Variants in CHN2 observed in about 807,000 individuals in gnomAD.
The protein encoded by CHN2 is beta-chimaerin.
In CHN2, 35 loss-of-function variants were observed where a neutral mutation model predicts 56.3. The observed-to-expected ratio is 0.62, with a 90% CI of 0.47 to 0.82. The LOEUF is 0.82. Ranked by LOEUF, CHN2 falls within the 40% of genes least tolerant of loss-of-function variation. CHN2 has a pLI of 0.00. For missense variants in CHN2, 491 were observed against 580.5 expected (o/e 0.85, Z 1.58); for synonymous variants, 210 against 212.8 (o/e 0.99, Z 0.12).
intron 1 of CHN2, among the ~76,000 whole-genome samples, chr7:29,203,170 A>G: frequency 6.6e-6 from 1 of 152,332 alleles, no homozygotes; most frequent in East Asian, 1.9e-4. Flanking sequence ...TTTAGGTGAT[A>G]ATATTTTGGA....
At chr7:29,258,415 C>A (rs1459695548) in intron 1 of CHN2, among the ~76,000 whole-genome samples, 3 of 152,216 alleles carry the variant, frequency 2.0e-5, no homozygotes, top group African/African-American at 7.2e-5. Flanking sequence ...ATTTGCTCAT[C>A]CTTCTTGGCT....
At chr7:29,485,425 T>TA (rs1159351110) in intron 7 of CHN2, among the ~76,000 whole-genome samples, 1 of 152,014 alleles carries the variant, frequency 6.6e-6, no homozygotes, top group South Asian at 2.1e-4. Context: ...TGGTGATGTA[T>TA]AAAAAAACAG....
chr7:29,493,045 C>T (rs539575409), intron 7 of CHN2, among the ~76,000 whole-genome samples: 1 of 152,190 alleles, frequency 6.6e-6, no homozygotes, highest in Admixed American at 6.5e-5. Flanking sequence ...GAATGAACCA[C>T]ATATATCATG....
chr7:29,287,860 G>C (rs1028186409), intron 1 of CHN2, among the ~76,000 whole-genome samples: 15 of 152,064 alleles, frequency 9.9e-5, no homozygotes, highest in African/African-American at 3.6e-4. Flanking sequence ...CAAGGTCTTG[G>C]AACTGGCTAA....
chr7:29,368,650 G>A (rs1429407171), intron 3 of CHN2, among the ~76,000 whole-genome samples: 1 of 152,060 alleles, frequency 6.6e-6, no homozygotes, highest in African/African-American at 2.4e-5. Context: ...ATAGAGCCAC[G>A]GATAGCTTTT....
At chr7:29,273,353 A>ATATATATATATATATATATGTGTATG (rs1790863759) in intron 1 of CHN2, among the ~76,000 whole-genome samples, 9 of 63,362 alleles carry the variant, frequency 1.4e-4, no homozygotes, top group African/African-American at 6.8e-4. Context: ...GTATATATAT[A>ATATATATATATATATATATGTGTATG]TATATATATA....
chr7:29,509,186 A>G (rs1443201288), intron 11 of CHN2, 115 bp from the exon 12 acceptor site: 3 of 724,096 alleles, frequency 4.1e-6, no homozygotes, highest in South Asian at 3.3e-5. Context: ...CTTGGATTGC[A>G]TGAATTTATT....
intron 1 of CHN2, among the ~76,000 whole-genome samples, chr7:29,206,261 C>G (rs1784510058): frequency 6.6e-6 from 1 of 152,130 alleles, no homozygotes; most frequent in Non-Finnish European, 1.5e-5. Context: ...ACATTAGTCA[C>G]AGGCCTTCAG....
At chr7:29,343,371 C>T (rs978821717) in intron 1 of CHN2, among the ~76,000 whole-genome samples, 7 of 152,180 alleles carry the variant, frequency 4.6e-5, no homozygotes, top group Non-Finnish European at 5.9e-5. Context: ...ATTGAAGCTC[C>T]TGTGTCTTTT....
intron 2 of CHN2, among the ~76,000 whole-genome samples, chr7:29,159,911 A>G (rs990056697): frequency 1.3e-5 from 2 of 152,218 alleles, no homozygotes; most frequent in Admixed American, 6.5e-5. Flanking sequence ...TATTTGTGGA[A>G]GGACGTAATT....
At chr7:29,323,707 G>C (rs1234415136) in intron 1 of CHN2, among the ~76,000 whole-genome samples, 2 of 152,012 alleles carry the variant, frequency 1.3e-5, no homozygotes, top group South Asian at 4.2e-4. Flanking sequence ...TTAAATTATA[G>C]GGGGTTGAGG....
chr7:29,325,450 GCT>G (rs1795725781), intron 1 of CHN2, among the ~76,000 whole-genome samples: 1 of 152,162 alleles, frequency 6.6e-6, no homozygotes, highest in Non-Finnish European at 1.5e-5. Context: ...GGAATTGAGC[GCT>G]CTTTTTGACC....
chr7:29,239,642 C>T (rs538019380), intron 1 of CHN2, among the ~76,000 whole-genome samples: 3 of 152,236 alleles, frequency 2.0e-5, no homozygotes, highest in African/African-American at 7.2e-5. Flanking sequence ...ACAAAAAGCT[C>T]TTGTCCCATT....
intron 1 of CHN2, among the ~76,000 whole-genome samples, chr7:29,198,150 C>T (rs1189537757): frequency 2.0e-5 from 3 of 152,110 alleles, no homozygotes; most frequent in East Asian, 1.9e-4. Flanking sequence ...CTCTGGAAGC[C>T]GTAGGACATT....
intron 5 of CHN2, among the ~76,000 whole-genome samples, chr7:29,399,793 T>G (rs1204461442): frequency 6.6e-6 from 1 of 152,148 alleles, no homozygotes; most frequent in African/African-American, 2.4e-5. Flanking sequence ...AGGACGAACT[T>G]AAAAAGCTAT....
intron 5 of CHN2, among the ~76,000 whole-genome samples, chr7:29,399,871 C>T (rs1802058159): frequency 6.6e-6 from 1 of 152,130 alleles, no homozygotes; most frequent in African/African-American, 2.4e-5. Context: ...CAGAAGCTGG[C>T]AGTTGTAGTG....
intron 1 of CHN2, among the ~76,000 whole-genome samples, chr7:29,220,139 C>T (rs137931743): frequency 5.6e-4 from 84 of 150,882 alleles, no homozygotes; most frequent in African/African-American, 2.0e-3. Context: ...CCTCCAACTC[C>T]AGAATCTAGA....
intron 2 of CHN2, among the ~76,000 whole-genome samples, chr7:29,364,534 C>T (rs535367699): frequency 2.6e-5 from 4 of 152,264 alleles, no homozygotes; most frequent in Admixed American, 6.5e-5. Flanking sequence ...CCATTGCATG[C>T]TCATTAACAG....
intron 1 of CHN2, among the ~76,000 whole-genome samples, chr7:29,222,266 C>A (rs753207478): frequency 6.6e-6 from 1 of 152,118 alleles, no homozygotes; most frequent in Admixed American, 6.5e-5. Context: ...GAATCAATAT[C>A]GTGAAAATGA....
Sources: allele counts gnomAD v4.1 joint callset (sites outside exome capture counted in the v4.1 genomes callset), GRCh38; gene constraint gnomAD v4.1.1; transcripts MANE v1.5; gene names NCBI Gene and HGNC (gene_info 2026-07-23, HGNC 2026-07-21).